RHEX: variants seen among roughly 807,000 people sequenced by gnomAD.
The protein encoded by RHEX is regulator of hemoglobinization and erythroid cell expansion.
Under a neutral mutation model 20.1 loss-of-function variants are expected in RHEX, and 18 were observed. The ratio of observed to expected loss-of-function variants is 0.90; its 90% CI spans 0.62 to 1.33. The LOEUF is 1.33. Ranked by LOEUF, RHEX falls within the 40% of genes most tolerant of loss-of-function variation. The probability of loss-of-function intolerance (pLI) is 0.00; values close to 1 mark genes in which losing one functional copy is unlikely to be tolerated. For missense variants in RHEX, 192 were observed against 214.3 expected, an observed-to-expected ratio of 0.90 and a Z score of 0.65; for synonymous variants, 87 against 77.1, an observed-to-expected ratio of 1.13 and a Z score of -0.67.
At chr1:206,056,503 T>C (rs1342897369) in intron 1 of RHEX, 2 of 152,290 alleles carry the variant, frequency 1.3e-5, no homozygotes, top group Non-Finnish European at 2.9e-5. Context: ...ATTTTATGGT[T>C]ATTATAAGTG....
At chr1:206,053,860 G>A (rs1368437462) in intron 1 of RHEX, among the ~76,000 whole-genome samples, 1 of 152,226 alleles carries the variant, frequency 6.6e-6, no homozygotes, top group Non-Finnish European at 1.5e-5. Context: ...AGCAGCATAA[G>A]CGGCTGGCAG....
chr1:206,097,172 GAGAC>G (rs1663089717), intron 1 of RHEX, among the ~76,000 whole-genome samples: 1 of 152,180 alleles, frequency 6.6e-6, no homozygotes, highest in South Asian at 2.1e-4. Context: ...GAGGAGGTGA[GAGAC>G]AGGTAATTTC....
chr1:206,063,958 C>T (rs1237967094), intron 1 of RHEX, among the ~76,000 whole-genome samples: 2 of 151,540 alleles, frequency 1.3e-5, no homozygotes, highest in African/African-American at 4.9e-5. Context: ...AGCGCCTCTT[C>T]CAGGCCGCCA....
At chr1:206,061,412 C>T (rs562527944) in intron 1 of RHEX, 2 of 152,318 alleles carry the variant, frequency 1.3e-5, no homozygotes, top group African/African-American at 2.4e-5. Context: ...GGAACTAGTC[C>T]AGTCGCATGT....
chr1:206,058,372 G>C (rs1039180005), intron 1 of RHEX, among the ~76,000 whole-genome samples: 6 of 152,238 alleles, frequency 3.9e-5, no homozygotes, highest in Non-Finnish European at 7.3e-5. Context: ...TACATAAGTA[G>C]CAAAAATAAG....
chr1:206,077,706 A>G (rs1459159608), intron 1 of RHEX, among the ~76,000 whole-genome samples: 1 of 152,210 alleles, frequency 6.6e-6, no homozygotes, highest in East Asian at 1.9e-4. Flanking sequence ...CAAGGCTACA[A>G]CATCGTAGGT....
chr1:206,084,836 G>A (rs1403489847), intron 1 of RHEX, among the ~76,000 whole-genome samples: 1 of 152,152 alleles, frequency 6.6e-6, no homozygotes, highest in Non-Finnish European at 1.5e-5. Flanking sequence ...TGAGCACAGG[G>A]CCCTACTAGT....
At chr1:206,058,623 T>C (rs1662245155) in intron 1 of RHEX, among the ~76,000 whole-genome samples, 1 of 152,258 alleles carries the variant, frequency 6.6e-6, no homozygotes, top group Non-Finnish European at 1.5e-5. Flanking sequence ...ATGTTATTCA[T>C]AGATTCCAGA....
chr1:206,094,169 G>GTGTGTGT (rs1553287380), intron 1 of RHEX, among the ~76,000 whole-genome samples: 1 of 148,576 alleles, frequency 6.7e-6, no homozygotes, highest in African/African-American at 2.5e-5. Flanking sequence ...CTGGTTATTT[G>GTGTGTGT]GTGTGTGTGT....
intron 1 of RHEX, among the ~76,000 whole-genome samples, chr1:206,087,287 A>G (rs151127643): frequency 1.3e-5 from 2 of 152,296 alleles, no homozygotes; most frequent in East Asian, 1.9e-4. Context: ...GCTGTCCCCA[A>G]AGCCAGGGTT....
chr1:206,099,582 T>C lies in RHEX; in HGVS notation c.113-73T>C, dbSNP rs916799348. The C allele has an allele frequency of 4.1e-6, 6 of 1,454,754 alleles. No individual in the cohort carries two copies. In the African/African-American group the frequency reaches 7.0e-5, roughly 17 times the overall value. 90.1% of individuals were successfully genotyped at this position (1,454,754 alleles called of 1,614,324 possible). A position where few individuals can be genotyped will look rare whatever the true frequency, so the allele number is the denominator to read the frequency against. On this transcript the variant is annotated intron_variant, in intron 3 of 5. Transcript: ENST00000331555. ...GATCCATTTACCTCAGCCTCCCAAATTGCTGGGATTACAGGCATGAGCTAC... is the reference window on the plus strand; with the variant it reads ...GATCCATTTACCTCAGCCTCCCAAACTGCTGGGATTACAGGCATGAGCTAC...
At chr1:206,095,513 G>T (rs933888859) in intron 1 of RHEX, among the ~76,000 whole-genome samples, 4 of 152,148 alleles carry the variant, frequency 2.6e-5, no homozygotes, top group Non-Finnish European at 4.4e-5. Flanking sequence ...GAAGGATATG[G>T]AATAAGATTT....
intron 1 of RHEX, among the ~76,000 whole-genome samples, chr1:206,091,380 T>C (rs1553286987): frequency 6.6e-6 from 1 of 152,194 alleles, no homozygotes; most frequent in African/African-American, 2.4e-5. Context: ...AGCTGCAAAA[T>C]AATTTACCAT....
At chr1:206,099,439 C>T (rs1256845556) in intron 3 of RHEX, among the ~76,000 whole-genome samples, 1 of 152,048 alleles carries the variant, frequency 6.6e-6, no homozygotes, top group Admixed American at 6.6e-5. Context: ...TTGCCTCAGC[C>T]TCCCTAGTAT....
intron 1 of RHEX, among the ~76,000 whole-genome samples, chr1:206,096,184 A>C (rs528235710): frequency 3.9e-5 from 6 of 152,172 alleles, no homozygotes; most frequent in Non-Finnish European, 8.8e-5. Flanking sequence ...TAATTCTTTG[A>C]CTACAAATGT....
At chr1:206,064,782 G>A (rs1571855174) in intron 1 of RHEX, among the ~76,000 whole-genome samples, 1 of 152,126 alleles carries the variant, frequency 6.6e-6, no homozygotes. Flanking sequence ...GGTGTGCCCA[G>A]CAGCTCATTG....
intron 1 of RHEX, among the ~76,000 whole-genome samples, chr1:206,062,640 G>C (rs1230076690): frequency 1.4e-5 from 2 of 146,624 alleles, no homozygotes; most frequent in Non-Finnish European, 2.9e-5. Context: ...GGAGGCATAG[G>C]GGGGCTGCAG....
intron 1 of RHEX, among the ~76,000 whole-genome samples, chr1:206,084,758 T>C (rs1662805632): frequency 6.6e-6 from 1 of 152,168 alleles, no homozygotes; most frequent in Admixed American, 6.5e-5. Flanking sequence ...CTGGGGTCCC[T>C]TACTCAAAAA....
At chr1:206,082,575 T>C (rs1438211130) in intron 1 of RHEX, among the ~76,000 whole-genome samples, 1 of 152,170 alleles carries the variant, frequency 6.6e-6, no homozygotes, top group Non-Finnish European at 1.5e-5. Context: ...AAGGACATTC[T>C]GTTAAGTGCT....
Sources: gnomAD v4.1 joint callset for allele counts (sites outside exome capture counted in the v4.1 genomes callset) on GRCh38, gnomAD v4.1.1 for gene constraint, MANE v1.5 for transcripts, NCBI Gene and HGNC (gene_info 2026-07-23, HGNC 2026-07-21) for gene names.